SLC25A24: variants seen among roughly 807,000 people sequenced by gnomAD.
The protein encoded by SLC25A24 is solute carrier family 25 member 24, also known as mitochondrial adenyl nucleotide antiporter SLC25A24.
SLC25A24 carries 49 observed loss-of-function variants against 60.7 expected under a neutral mutation model. The observed-to-expected ratio is 0.81, with a 90% CI of 0.64 to 1.02. The LOEUF (loss-of-function observed/expected upper bound fraction) is 1.02, where lower values mean the gene tolerates loss of function less well. Ranked by LOEUF, SLC25A24 falls within the 50% of genes least tolerant of loss-of-function variation. The probability of loss-of-function intolerance (pLI) is 0.00; values close to 1 mark genes in which losing one functional copy is unlikely to be tolerated. For synonymous variants in SLC25A24, 202 were observed against 200.6 expected (o/e 1.01, Z -0.06); for missense variants, 564 against 586.3 (o/e 0.96, Z 0.39).
chr1:108,143,450 T>A, intron 8 of SLC25A24, 93 bp downstream of exon 8: 2 of 1,060,036 alleles, frequency 1.9e-6, no homozygotes, highest in Non-Finnish European at 2.7e-6. Flanking sequence ...GGTCACACAC[T>A]GTTTTCTGGT....
intron 8 of SLC25A24, among the ~76,000 whole-genome samples, chr1:108,139,858 C>T (rs1044246059): frequency 3.3e-5 from 5 of 152,144 alleles, no homozygotes; most frequent in African/African-American, 7.2e-5. Context: ...GTGATCCGCC[C>T]GCCTCGGCCT....
chr1:108,187,414 G>A (rs1285368319), intron 1 of SLC25A24, among the ~76,000 whole-genome samples: 1 of 151,998 alleles, frequency 6.6e-6, no homozygotes, highest in Non-Finnish European at 1.5e-5. Context: ...TCTTTGAAAA[G>A]ACTAATAAAA....
At chr1:108,162,650 T>A (rs1680121093) in intron 3 of SLC25A24, among the ~76,000 whole-genome samples, 1 of 152,210 alleles carries the variant, frequency 6.6e-6, no homozygotes, top group African/African-American at 2.4e-5. Context: ...TGTTTGTTTT[T>A]TTCTTGTAAA....
intron 3 of SLC25A24, among the ~76,000 whole-genome samples, chr1:108,178,035 C>A (rs537212293): frequency 6.6e-6 from 1 of 151,940 alleles, no homozygotes; most frequent in African/African-American, 2.4e-5. Flanking sequence ...TGGTGGCATG[C>A]GCCTGTAGTC....
intron 9 of SLC25A24, among the ~76,000 whole-genome samples, chr1:108,138,313 G>T (rs1208445818): frequency 1.3e-5 from 2 of 152,182 alleles, no homozygotes; most frequent in Non-Finnish European, 2.9e-5. Context: ...GGGTTGCTGT[G>T]GCTGGCACTT....
intron 8 of SLC25A24, among the ~76,000 whole-genome samples, chr1:108,139,803 G>T (rs1203327730): frequency 2.0e-5 from 3 of 152,034 alleles, no homozygotes; most frequent in Non-Finnish European, 4.4e-5. Flanking sequence ...GTAGAGACAG[G>T]GTTTCACCAT....
In SLC25A24 at chr1:108,157,575, C is replaced by T. The variant is rs1180408715; in HGVS notation, c.556G>A (p.Glu186Lys). 1 of 1,614,082 alleles carries T rather than the reference C, an allele frequency of 6.2e-7. No homozygotes were observed. Among genetic ancestry groups the T allele is most frequent in the Admixed American group, 1.7e-5 (1 of 60,024 alleles). ...CATTGTCCGGATTTTTTTTCGTCTTCCGTGAATTCATCTGGAATAGTTAAG... is the reference window on the plus strand; with the variant it reads ...CATTGTCCGGATTTTTTTTCGTCTTTCGTGAATTCATCTGGAATAGTTAAG... The part of the protein sequence containing the change: ...DSLTIPDEFT[E>K]DEKKSGQWWR... Residue 186 changes from glutamate to lysine, a missense_variant, in exon 5 of 10, where the codon GAA becomes AAA. Transcript: ENST00000565488.
At chr1:108,196,712 G>A (rs1648507250) in intron 1 of SLC25A24, among the ~76,000 whole-genome samples, 1 of 152,174 alleles carries the variant, frequency 6.6e-6, no homozygotes, top group Non-Finnish European at 1.5e-5. Flanking sequence ...ATGGACCACT[G>A]TTTTCTCACT....
At chr1:108,187,591 C>G (rs183965866) in intron 1 of SLC25A24, among the ~76,000 whole-genome samples, 25 of 152,072 alleles carry the variant, frequency 1.6e-4, no homozygotes, top group African/African-American at 5.5e-4. Context: ...CATAAGACAG[C>G]AGAAAGTCTG....
chr1:108,136,541 G>T lies in SLC25A24; in HGVS notation c.*112C>A. ...GACCATTGTTACCATCTTCCCTTTT[G>T]TGAAAAAAATGCAGCTTCTTTTGCC... On this transcript the variant is annotated 3_prime_UTR_variant, in exon 10 of 10. Coordinates refer to ENST00000565488, the MANE Select transcript of SLC25A24 (RefSeq NM_013386.5). The T allele has an allele frequency of 1.2e-6, 1 of 868,912 alleles. No individual in the cohort carries two copies. Among genetic ancestry groups the T allele is most frequent in the Non-Finnish European group, 1.8e-6 (1 of 560,368 alleles). 53.8% of individuals were successfully genotyped at this position (868,912 alleles called of 1,614,324 possible). A position where few individuals can be genotyped will look rare whatever the true frequency, so the allele number is the denominator to read the frequency against.
At chr1:108,192,710 C>T (rs1648383208) in intron 1 of SLC25A24, 4 of 1,437,358 alleles carry the variant, frequency 2.8e-6, no homozygotes, top group Middle Eastern at 2.1e-4. Context: ...GCCCACCACA[C>T]ACGTCCAGTG....
intron 7 of SLC25A24, among the ~76,000 whole-genome samples, chr1:108,146,901 T>G (rs956121337): frequency 6.6e-6 from 1 of 152,128 alleles, no homozygotes; most frequent in Non-Finnish European, 1.5e-5. Context: ...CTCTGCCAGG[T>G]TTTAGTATCA....
chr1:108,193,830 T>C (rs1259181123), intron 1 of SLC25A24, among the ~76,000 whole-genome samples: 1 of 139,232 alleles, frequency 7.2e-6, no homozygotes, highest in African/African-American at 2.5e-5. Flanking sequence ...AAAAGTTCAG[T>C]GATCTTGGGT....
intron 5 of SLC25A24, among the ~76,000 whole-genome samples, chr1:108,156,863 A>G (rs1211622357): frequency 2.0e-5 from 3 of 152,222 alleles, no homozygotes; most frequent in Non-Finnish European, 4.4e-5. Flanking sequence ...GGAAAAGTCA[A>G]TTCTCTGGGC....
intron 6 of SLC25A24, among the ~76,000 whole-genome samples, chr1:108,149,189 C>T (rs893984): frequency 0.94 from 143,845 of 152,314 alleles, 68,505 homozygotes; most frequent in East Asian, 1. Flanking sequence ...AAAACAGTTT[C>T]TGTAGGTAAT....
chr1:108,153,892 T>C (rs1679817702), intron 6 of SLC25A24, among the ~76,000 whole-genome samples: 1 of 152,190 alleles, frequency 6.6e-6, no homozygotes, highest in Admixed American at 6.6e-5. Context: ...ATTGAGTATT[T>C]ATTTATTTTA....
intron 3 of SLC25A24, among the ~76,000 whole-genome samples, chr1:108,180,621 T>TCTCC (rs1647887925): frequency 2.1e-4 from 1 of 4,852 alleles, no homozygotes; most frequent in African/African-American, 4.0e-4. Context: ...GAAAGATCTC[T>TCTCC]CTCTCTCTCT....
chr1:108,183,686 G>A (rs1032374255), intron 2 of SLC25A24, among the ~76,000 whole-genome samples: 1 of 152,144 alleles, frequency 6.6e-6, no homozygotes, highest in African/African-American at 2.4e-5. Context: ...ACACTAGACA[G>A]CACTTCAGCA....
intron 3 of SLC25A24, among the ~76,000 whole-genome samples, chr1:108,164,119 G>C (rs1680173133): frequency 6.6e-6 from 1 of 151,982 alleles, no homozygotes; most frequent in South Asian, 2.1e-4. Context: ...TATTGAACCA[G>C]CCTTGCATCC....
Sources: gnomAD v4.1 joint callset for allele counts (sites outside exome capture counted in the v4.1 genomes callset) on GRCh38, gnomAD v4.1.1 for gene constraint, MANE v1.5 for transcripts, NCBI Gene and HGNC (gene_info 2026-07-23, HGNC 2026-07-21) for gene names.